Variants in MOB1B observed in about 807,000 individuals in gnomAD.
MOB1B encodes MOB1 Mps One Binder homolog B.
A neutral mutation model predicts 24.4 loss-of-function variants in MOB1B; 19 were observed. That is an observed-to-expected ratio of 0.78 (90% CI 0.54 to 1.14). MOB1B has a LOEUF of 1.14. Ranked by LOEUF, MOB1B falls within the 50% of genes most tolerant of loss-of-function variation. The pLI is 0.00. For synonymous variants in MOB1B, 76 were observed against 82.1 expected, an observed-to-expected ratio of 0.93 and a Z score of 0.40; for missense variants, 243 against 259.6, an observed-to-expected ratio of 0.94 and a Z score of 0.44.
intron 1 of MOB1B, among the ~76,000 whole-genome samples, chr4:70,919,923 T>TC (rs1736355054): frequency 1.3e-5 from 2 of 152,266 alleles, no homozygotes; most frequent in South Asian, 4.1e-4. Context: ...ACTCCACATG[T>TC]CCCCAGGCCT....
At chr4:70,959,731 A>G (rs1180968939) in intron 2 of MOB1B, among the ~76,000 whole-genome samples, 1 of 152,154 alleles carries the variant, frequency 6.6e-6, no homozygotes, top group Non-Finnish European at 1.5e-5. Context: ...AGTTGAGACA[A>G]TTAGTAACTT....
chr4:70,944,961 A>C (rs1208603371), intron 1 of MOB1B, among the ~76,000 whole-genome samples: 6 of 152,116 alleles, frequency 3.9e-5, no homozygotes, highest in African/African-American at 1.4e-4. Context: ...AAACTGTCTC[A>C]CCCTTGGTTT....
At chr4:70,969,793 T>G (rs1738681933) in intron 2 of MOB1B, 138 bp from the exon 3 acceptor site, 2 of 487,654 alleles carry the variant, frequency 4.1e-6, no homozygotes, top group South Asian at 8.7e-5. Context: ...TTCAATGTAT[T>G]GATACTTCTG....
chr4:70,929,886 G>T (rs1293944681), intron 1 of MOB1B, among the ~76,000 whole-genome samples: 18 of 151,990 alleles, frequency 1.2e-4, no homozygotes. Context: ...GCCCGCCTCG[G>T]CCTCCCTTAA....
At chr4:70,950,954 G>A in intron 1 of MOB1B, 1 of 601,112 alleles carries the variant, frequency 1.7e-6, no homozygotes, top group Non-Finnish European at 3.1e-6. Context: ...CGAGACCCTG[G>A]TTCTGTCATT....
At chr4:70,941,580 A>G (rs1737343793) in intron 1 of MOB1B, among the ~76,000 whole-genome samples, 1 of 152,022 alleles carries the variant, frequency 6.6e-6, no homozygotes, top group Non-Finnish European at 1.5e-5. Flanking sequence ...TGACCTTGTG[A>G]TCCGCCCGTC....
chr4:70,955,960 C>T (rs146693298), intron 1 of MOB1B, among the ~76,000 whole-genome samples: 3,375 of 152,062 alleles, frequency 0.022, 48 homozygotes, highest in Middle Eastern at 0.041. Context: ...TAGTCTCAAA[C>T]TGCTGCCCTC....
intron 2 of MOB1B, among the ~76,000 whole-genome samples, chr4:70,968,849 C>A (rs1738644640): frequency 6.6e-6 from 1 of 152,174 alleles, no homozygotes; most frequent in South Asian, 2.1e-4. Context: ...TCTTGAACTC[C>A]TGGCCTCAAG....
intron 1 of MOB1B, among the ~76,000 whole-genome samples, chr4:70,913,279 T>C (rs1298644347): frequency 3.3e-5 from 5 of 151,926 alleles, no homozygotes; most frequent in Admixed American, 6.6e-5. Context: ...TATGTATGTA[T>C]GTATGTATGT....
intron 1 of MOB1B, among the ~76,000 whole-genome samples, chr4:70,909,502 C>G (rs1735892784): frequency 1.3e-5 from 2 of 151,750 alleles, no homozygotes; most frequent in Non-Finnish European, 2.9e-5. Context: ...GACCCTGCCT[C>G]TAAAAAGAAA....
In MOB1B at chr4:70,965,461, G is replaced by T. The variant is rs539705815; in HGVS notation, c.182-4470G>T. Among the ~76,000 whole-genome samples, 36 of 150,130 alleles carry T rather than the reference G, an allele frequency of 2.4e-4. No homozygotes were observed. The South Asian group carries it at 7.6e-3, about 32-fold the overall frequency. On this transcript the variant is annotated intron_variant, in intron 2 of 5. Coordinates refer to ENST00000309395, the MANE Select transcript of MOB1B (RefSeq NM_173468.4). ...AGAAAGCACAAATAACCAATATCAG[G>T]GATAAAAAAGTAAATACATACCAGA... is the stretch of plus-strand genomic sequence containing the variant.
chr4:70,938,731 G>A (rs1327862752), intron 1 of MOB1B, among the ~76,000 whole-genome samples: 4 of 148,718 alleles, frequency 2.7e-5, no homozygotes, highest in Non-Finnish European at 4.4e-5. Flanking sequence ...TAAATCTTTT[G>A]TGGGATCTAT....
At chr4:70,916,744 T>C (rs928372375) in intron 1 of MOB1B, among the ~76,000 whole-genome samples, 1 of 152,180 alleles carries the variant, frequency 6.6e-6, no homozygotes, top group Non-Finnish European at 1.5e-5. Context: ...AGTTTTTGTA[T>C]TTTTAGTAGA....
intron 1 of MOB1B, among the ~76,000 whole-genome samples, chr4:70,939,497 A>G (rs573338202): frequency 1.3e-5 from 2 of 152,328 alleles, no homozygotes; most frequent in Middle Eastern, 3.4e-3. Context: ...AGCCTGGCCA[A>G]CGTGGCAAAA....
intron 2 of MOB1B, among the ~76,000 whole-genome samples, chr4:70,964,615 C>T (rs1352822987): frequency 2.0e-5 from 3 of 152,036 alleles, no homozygotes; most frequent in Non-Finnish European, 4.4e-5. Context: ...AAAACAACAG[C>T]AAATTAAATG....
intron 4 of MOB1B, chr4:70,975,553 A>C: frequency 9.2e-7 from 1 of 1,084,732 alleles, no homozygotes; most frequent in Non-Finnish European, 1.1e-6. Flanking sequence ...GTTTATTAGA[A>C]AATAAATGAT....
chr4:70,928,048 G>C (rs1298622407), intron 1 of MOB1B, among the ~76,000 whole-genome samples: 4 of 151,590 alleles, frequency 2.6e-5, no homozygotes, highest in African/African-American at 9.7e-5. Context: ...CATTTCTTTA[G>C]CTCAGGAGCC....
At chr4:70,965,903 A>T (rs1043375549) in intron 2 of MOB1B, among the ~76,000 whole-genome samples, 2 of 151,526 alleles carry the variant, frequency 1.3e-5, no homozygotes, top group African/African-American at 4.8e-5. Flanking sequence ...CCTAATTCTT[A>T]TAAAAATTCA....
intron 3 of MOB1B, among the ~76,000 whole-genome samples, chr4:70,972,131 A>G (rs1738783081): frequency 6.6e-6 from 1 of 151,750 alleles, no homozygotes; most frequent in Non-Finnish European, 1.5e-5. Flanking sequence ...GGCATTTGTT[A>G]ATACTTAATA....
Sources: gnomAD v4.1 joint callset for allele counts (sites outside exome capture counted in the v4.1 genomes callset) on GRCh38, gnomAD v4.1.1 for gene constraint, MANE v1.5 for transcripts, NCBI Gene and HGNC (gene_info 2026-07-23, HGNC 2026-07-21) for gene names.